Variants in GTF2A2 observed in about 807,000 individuals in gnomAD.
GTF2A2 encodes transcription initiation factor IIA subunit 2.
GTF2A2 carries 9 observed loss-of-function variants against 14.3 expected under a neutral mutation model. The observed-to-expected ratio is 0.63, with a 90% CI of 0.38 to 1.10. GTF2A2 has a LOEUF of 1.10. Among genes scored for constraint, GTF2A2 ranks in the 50% least tolerant of loss-of-function variants. The pLI is 0.01. For synonymous variants in GTF2A2, 56 were observed against 46.0 expected (o/e 1.22, Z -0.88); for missense variants, 90 against 124.6 (o/e 0.72, Z 1.32).
intron 3 of GTF2A2, among the ~76,000 whole-genome samples, chr15:59,649,338 A>G (rs1274827693): frequency 6.6e-6 from 1 of 152,224 alleles, no homozygotes; most frequent in Non-Finnish European, 1.5e-5. Flanking sequence ...CTCACAAAAC[A>G]CTATGCAAGA....
At chr15:59,650,604 T>C in intron 3 of GTF2A2, 65 bp downstream of exon 3, 1 of 879,308 alleles carries the variant, frequency 1.1e-6, no homozygotes, top group Non-Finnish European at 1.8e-6. Flanking sequence ...GTAGGGGTCC[T>C]AAAAAAAAAT....
chr15:59,643,427 C>T (rs542372469), intron 3 of GTF2A2, among the ~76,000 whole-genome samples: 10 of 151,400 alleles, frequency 6.6e-5, no homozygotes, highest in East Asian at 3.9e-4. Context: ...TTATGTTGGC[C>T]GGGCTAGTCA....
intron 4 of GTF2A2, 59 bp from the exon 5 acceptor site, chr15:59,639,216 A>G: frequency 9.7e-7 from 1 of 1,031,828 alleles, no homozygotes; most frequent in Non-Finnish European, 1.5e-6. Context: ...TAATTTTACA[A>G]TTAACTATTT....
chr15:59,642,427 C>G (rs1292172050), intron 3 of GTF2A2, among the ~76,000 whole-genome samples, 165 bp from the exon 4 acceptor site: 1 of 152,064 alleles, frequency 6.6e-6, no homozygotes, highest in African/African-American at 2.4e-5. Flanking sequence ...AACCACCAGA[C>G]AAATTTGCTA....
intron 3 of GTF2A2, among the ~76,000 whole-genome samples, chr15:59,642,959 G>A (rs1306200390): frequency 6.6e-6 from 1 of 151,464 alleles, no homozygotes; most frequent in Non-Finnish European, 1.5e-5. Flanking sequence ...CAGAGATGGT[G>A]TTTCACCATG....
chr15:59,652,451 CTAGA>C (rs1433699470), intron 1 of GTF2A2, 125 bp from the exon 2 acceptor site: 10 of 529,066 alleles, frequency 1.9e-5, no homozygotes, highest in Non-Finnish European at 2.6e-5. Context: ...TTGCACATTA[CTAGA>C]TAATCATTTT....
intron 2 of GTF2A2, 38 bp downstream of exon 2, chr15:59,652,168 C>T (rs1482930643): frequency 2.7e-6 from 3 of 1,123,580 alleles, no homozygotes; most frequent in African/African-American, 3.1e-5. Context: ...GTAAACCCAT[C>T]AAGATAAAAA....
chr15:59,639,416 C>T (rs868033278), intron 4 of GTF2A2, among the ~76,000 whole-genome samples: 1 of 151,684 alleles, frequency 6.6e-6, no homozygotes, highest in African/African-American at 2.4e-5. Context: ...ATTTGGTTCA[C>T]ATAATTGTTA....
At chr15:59,643,074 T>A (rs1891485033) in intron 3 of GTF2A2, among the ~76,000 whole-genome samples, 2 of 32,596 alleles carry the variant, frequency 6.1e-5, no homozygotes, top group African/African-American at 3.8e-4. Flanking sequence ...CCTATATAAT[T>A]TTTTTTTTTT....
In GTF2A2 at chr15:59,639,153, A is replaced by G. The variant is rs865802428; in HGVS notation, c.309T>C (p.Thr103=). 4.8e-6 allele frequency: 7 copies of G among 1,453,054 alleles called. No individual in the cohort carries two copies. The Middle Eastern group carries it at 5.5e-4, about 114-fold the overall frequency. 90.0% of individuals were successfully genotyped at this position (1,453,054 alleles called of 1,614,324 possible). The change falls in exon 5 of 5, where the codon ACT becomes ACC. Residue 103 remains threonine, a synonymous_variant. Transcript: ENST00000396060. ...VKIVACDGKN[T]GSNTTE ...CTATTCATTCTGTAGTATTGGAGCC[A>G]GTATCTAGGAAACAAAAGAGAAAGT...
chr15:59,642,719 C>A (rs1891471258), intron 3 of GTF2A2, among the ~76,000 whole-genome samples: 1 of 152,230 alleles, frequency 6.6e-6, no homozygotes, highest in Non-Finnish European at 1.5e-5. Context: ...GCATCGGTCA[C>A]TAAGACTACA....
intron 4 of GTF2A2, among the ~76,000 whole-genome samples, chr15:59,639,485 TG>T (rs1891317336): frequency 7.3e-6 from 1 of 136,172 alleles, no homozygotes; most frequent in Admixed American, 7.8e-5. Flanking sequence ...TTTTTTGAGA[TG>T]GAGTCTAGCT....
At position 59,645,338 on chromosome 15, in the gene GTF2A2, C is replaced by T. The variant is rs533668426; in HGVS notation, c.178-3076G>A. ...GATGAGACCAAGGACAGCGGACGCACGCTGTAACCCTAAGAAATACCAACA... is the reference window on the plus strand; with the variant it reads ...GATGAGACCAAGGACAGCGGACGCATGCTGTAACCCTAAGAAATACCAACA... On this transcript the variant is annotated intron_variant, in intron 3 of 4. Coordinates refer to ENST00000396060, the MANE Select transcript of GTF2A2 (RefSeq NM_004492.3). Among the ~76,000 whole-genome samples the T allele has an allele frequency of 1.1e-4, 17 of 152,220 alleles. No homozygotes were observed. The East Asian group carries it at 2.5e-3, about 22-fold the overall frequency.
chr15:59,655,647 GA>G (rs749940888), intron 1 of GTF2A2, among the ~76,000 whole-genome samples: 9 of 152,140 alleles, frequency 5.9e-5, no homozygotes, highest in South Asian at 2.1e-4. Flanking sequence ...ATTCCTTACG[GA>G]TAACATTTAT....
intron 3 of GTF2A2, among the ~76,000 whole-genome samples, chr15:59,645,497 T>C (rs987846612): frequency 6.6e-6 from 1 of 152,130 alleles, no homozygotes; most frequent in Non-Finnish European, 1.5e-5. Flanking sequence ...GCACTACAAA[T>C]GATGCATTAG....
intron 1 of GTF2A2, chr15:59,656,713 A>G (rs574405897): frequency 6.6e-6 from 1 of 152,354 alleles, no homozygotes; most frequent in Non-Finnish European, 1.5e-5. Context: ...GAGTAGGAAT[A>G]CAGAATCGTG....
At chr15:59,639,713 A>C (rs984508685) in intron 4 of GTF2A2, among the ~76,000 whole-genome samples, 44 of 151,036 alleles carry the variant, frequency 2.9e-4, no homozygotes, top group South Asian at 8.4e-4. Flanking sequence ...CCGCCTCGGC[A>C]TCCCAAAGTG....
rs1471770572 is a variant in GTF2A2, at chr15:59,654,092, T to G, written c.-49-1766A>C. On this transcript the variant is annotated intron_variant, in intron 1 of 4. Coordinates refer to ENST00000396060, the MANE Select transcript of GTF2A2 (RefSeq NM_004492.3). ...CTTGCCTATCCCAACCCCACCCTCA[T>G]AGTAGCCACACTAAGACTTTAAAAC... Among the ~76,000 whole-genome samples the G allele has an allele frequency of 2.7e-4, 41 of 152,174 alleles. 1 individual carries two copies. The highest frequency in any genetic ancestry group is 2.2e-3 in the Admixed American group (34 of 15,280).
intron 4 of GTF2A2, among the ~76,000 whole-genome samples, chr15:59,639,742 G>C (rs372613081): frequency 6.6e-6 from 1 of 151,240 alleles, no homozygotes; most frequent in African/African-American, 2.4e-5. Context: ...AGAGGTGTGA[G>C]CCACCGTGCC....
Sources: gnomAD v4.1 joint callset for allele counts (sites outside exome capture counted in the v4.1 genomes callset) on GRCh38, gnomAD v4.1.1 for gene constraint, MANE v1.5 for transcripts, NCBI Gene and HGNC (gene_info 2026-07-23, HGNC 2026-07-21) for gene names.